TENM3: variants seen among roughly 807,000 people sequenced by gnomAD.
TENM3 encodes teneurin-3.
Under a neutral mutation model 255.1 loss-of-function variants are expected in TENM3, and 63 were observed. The observed-to-expected ratio is 0.25, with a 90% CI of 0.20 to 0.30. The LOEUF is 0.30. TENM3 is among the 10% of genes least tolerant of loss of function. The probability of loss-of-function intolerance (pLI) is 1.00; values close to 1 mark genes in which losing one functional copy is unlikely to be tolerated. For synonymous variants in TENM3, 1,306 were observed against 1,322.3 expected (o/e 0.99, Z 0.27); for missense variants, 2,929 against 3,461.1 (o/e 0.85, Z 3.86).
At chr4:182,229,431 A>G (rs1756404179) in intron 1 of TENM3, among the ~76,000 whole-genome samples, 1 of 152,124 alleles carries the variant, frequency 6.6e-6, no homozygotes, top group African/African-American at 2.4e-5. Context: ...AGAGTAACAT[A>G]ATACCTTCTA....
intron 12 of TENM3, among the ~76,000 whole-genome samples, chr4:182,690,304 G>C (rs1196781714): frequency 6.6e-6 from 1 of 152,182 alleles, no homozygotes; most frequent in Non-Finnish European, 1.5e-5. Flanking sequence ...AGGCTTTGTA[G>C]GGCAGTGGCA....
chr4:181,814,619 A>C, the TENM3 span, among the ~76,000 whole-genome samples: 26 of 150,866 alleles, frequency 1.7e-4, no homozygotes, highest in African/African-American at 5.9e-4. Context: ...TGCATGCAAC[A>C]ATTACAAAAA....
At chr4:181,659,729 A>G in the TENM3 span, among the ~76,000 whole-genome samples, 1 of 152,200 alleles carries the variant, frequency 6.6e-6, no homozygotes, top group Admixed American at 6.5e-5. Context: ...CTGCTCTTGA[A>G]TATTGGTTTG....
At chr4:182,643,265 A>G (rs1411579527) in intron 5 of TENM3, among the ~76,000 whole-genome samples, 1 of 152,232 alleles carries the variant, frequency 6.6e-6, no homozygotes, top group Admixed American at 6.5e-5. Flanking sequence ...CATGAAATTG[A>G]TACATAAAAT....
At chr4:182,173,870 G>T (rs1392996354) in intron 1 of TENM3, among the ~76,000 whole-genome samples, 1 of 152,094 alleles carries the variant, frequency 6.6e-6, no homozygotes, top group Non-Finnish European at 1.5e-5. Flanking sequence ...AATTTTTCTT[G>T]TATGTAAGTT....
At chr4:181,993,826 A>G in the TENM3 span, among the ~76,000 whole-genome samples, 91 of 152,246 alleles carry the variant, frequency 6.0e-4, no homozygotes, top group African/African-American at 2.1e-3. Context: ...AGAGCAAGAC[A>G]TATACTTAAG....
At chr4:181,452,832 A>G in the TENM3 span, among the ~76,000 whole-genome samples, 249 of 152,346 alleles carry the variant, frequency 1.6e-3, 1 homozygote, top group African/African-American at 5.9e-3. Flanking sequence ...TACTAATGCC[A>G]AAAGACTTCA....
chr4:182,707,152 T>C (rs1399052660), intron 12 of TENM3, among the ~76,000 whole-genome samples: 2 of 152,192 alleles, frequency 1.3e-5, no homozygotes, highest in Non-Finnish European at 2.9e-5. Context: ...AATTCTTGAT[T>C]GTTCTCTTTT....
chr4:181,872,581 T>C, the TENM3 span, among the ~76,000 whole-genome samples: 1 of 152,246 alleles, frequency 6.6e-6, no homozygotes, highest in South Asian at 2.1e-4. Flanking sequence ...TAAAGTGTAT[T>C]TACACAAATG....
chr4:182,335,294 C>A (rs991459174), intron 2 of TENM3, among the ~76,000 whole-genome samples: 1 of 68,102 alleles, frequency 1.5e-5, no homozygotes, highest in Non-Finnish European at 3.4e-5. Flanking sequence ...GTCAGGAGAT[C>A]GAGACCATCC....
At chr4:181,454,985 T>C in the TENM3 span, among the ~76,000 whole-genome samples, 1 of 152,110 alleles carries the variant, frequency 6.6e-6, no homozygotes, top group Non-Finnish European at 1.5e-5. Flanking sequence ...TACATGACTG[T>C]ATGCCAGCCC....
chr4:181,883,963 A>G, the TENM3 span, among the ~76,000 whole-genome samples: 1 of 152,194 alleles, frequency 6.6e-6, no homozygotes, highest in Non-Finnish European at 1.5e-5. Context: ...TTCCCCATTA[A>G]TGAATGGGAG....
At chr4:181,519,908 A>C in the TENM3 span, among the ~76,000 whole-genome samples, 1 of 152,208 alleles carries the variant, frequency 6.6e-6, no homozygotes, top group Non-Finnish European at 1.5e-5. Flanking sequence ...TGTAGGAATC[A>C]AACAGACAAT....
intron 6 of TENM3, among the ~76,000 whole-genome samples, chr4:182,668,949 A>C (rs1754959950): frequency 6.6e-6 from 1 of 152,168 alleles, no homozygotes; most frequent in Non-Finnish European, 1.5e-5. Context: ...AACTCAGAAA[A>C]CCATTAATAG....
chr4:182,024,139 C>T, the TENM3 span, among the ~76,000 whole-genome samples: 3 of 152,078 alleles, frequency 2.0e-5, no homozygotes, highest in Non-Finnish European at 4.4e-5. Context: ...AGATTAACTA[C>T]TGGTCAGAAA....
At chr4:181,509,629 G>A in the TENM3 span, among the ~76,000 whole-genome samples, 2 of 152,166 alleles carry the variant, frequency 1.3e-5, no homozygotes, top group African/African-American at 4.8e-5. Flanking sequence ...AATAAGGAAT[G>A]GAAAAGGATT....
chr4:182,738,355 TC>T (rs775554637), intron 17 of TENM3, 45 bp from the exon 18 acceptor site: 1 of 1,507,586 alleles, frequency 6.6e-7, no homozygotes, highest in Non-Finnish European at 8.9e-7. Flanking sequence ...AAATTGCATT[TC>T]CCCCAGTCGT....
At chr4:182,518,431 G>A (rs1355788262) in intron 3 of TENM3, among the ~76,000 whole-genome samples, 1 of 152,056 alleles carries the variant, frequency 6.6e-6, no homozygotes, top group African/African-American at 2.4e-5. Flanking sequence ...TCATCTAGTG[G>A]GAGATCATCT....
intron 4 of TENM3, among the ~76,000 whole-genome samples, chr4:182,625,492 C>A (rs192959197): frequency 6.6e-6 from 1 of 152,304 alleles, no homozygotes; most frequent in East Asian, 1.9e-4. Flanking sequence ...CCCCACCCCC[C>A]TATTCCTGGT....
Sources: allele counts gnomAD v4.1 joint callset (sites outside exome capture counted in the v4.1 genomes callset), GRCh38; gene constraint gnomAD v4.1.1; transcripts MANE v1.5; gene names NCBI Gene and HGNC (gene_info 2026-07-23, HGNC 2026-07-21).